USH2A: variants seen among roughly 807,000 people sequenced by gnomAD.
USH2A encodes the protein Usher syndrome 2A (autosomal recessive, mild).
USH2A carries 443 observed loss-of-function variants against 538.9 expected under a neutral mutation model. The observed-to-expected ratio is 0.82, with a 90% CI of 0.76 to 0.89. USH2A has a LOEUF of 0.89. USH2A is among the 40% of genes least tolerant of loss of function. The pLI, the probability that USH2A is intolerant of heterozygous loss-of-function variation, is 0.00. For missense variants in USH2A, 6,633 were observed against 6,324.8 expected (o/e 1.05, Z -1.65); for synonymous variants, 2,413 against 2,273.5 (o/e 1.06, Z -1.75).
chr1:216,365,083 C>T lies in USH2A; in HGVS notation c.654G>A (p.Val218=), dbSNP rs370983859. Residue 218 remains valine (V), a splice_region_variant and synonymous_variant, in exon 4 of 72, where the codon GTG becomes GTA. Coordinates refer to ENST00000307340, the MANE Select transcript of USH2A (RefSeq NM_206933.4). ...TAAAGAAGCTGATTTTTGTCTGATGCACCTGTAAGAAATTACCACCATTAT... is the reference window on the plus strand; with the variant it reads ...TAAAGAAGCTGATTTTTGTCTGATGTACCTGTAAGAAATTACCACCATTAT... The part of the protein sequence containing the change: ...VKKWIHLSVQ[V]HQTKISFFIN... 9.3e-6 allele frequency: 15 copies of T among 1,611,782 alleles called. No homozygotes were observed. The highest frequency in any genetic ancestry group is 1.3e-5 in the African/African-American group (1 of 74,998).
intron 11 of USH2A, among the ~76,000 whole-genome samples, chr1:216,271,955 A>G (rs996545578): frequency 6.6e-6 from 1 of 152,174 alleles, no homozygotes; most frequent in African/African-American, 2.4e-5. Context: ...CATATGGAAT[A>G]TTCTAATGGG....
intron 11 of USH2A, among the ~76,000 whole-genome samples, chr1:216,264,143 A>G (rs1340389793): frequency 6.6e-6 from 1 of 152,178 alleles, no homozygotes; most frequent in African/African-American, 2.4e-5. Context: ...ATGATCATGG[A>G]TTAGAGGAAC....
chr1:216,202,300 T>C (rs1337692841), intron 16 of USH2A, among the ~76,000 whole-genome samples: 2 of 152,210 alleles, frequency 1.3e-5, no homozygotes. Flanking sequence ...ATAATCCTAA[T>C]AGATCAGAAT....
chr1:216,097,256 G>A (rs778647675), intron 21 of USH2A, 43 bp from the exon 22 acceptor site: 1 of 1,613,472 alleles, frequency 6.2e-7, no homozygotes, highest in Non-Finnish European at 8.5e-7. Context: ...CTGGGGTTTT[G>A]TTGATTCTTT....
rs770693665 is a variant in USH2A, at chr1:216,198,599, T to C, written c.3812-15A>G. On this transcript the variant is annotated splice_polypyrimidine_tract_variant and intron_variant, in intron 17 of 71. Transcript: ENST00000307340. Reference sequence around the variant, plus strand: ...TATAATTATTCCTAGAGAAATTAAATAGTGAACCTACGTAACTCATCAGAC... The same window carrying C: ...TATAATTATTCCTAGAGAAATTAAACAGTGAACCTACGTAACTCATCAGAC... 3.7e-6 allele frequency: 6 copies of C among 1,607,986 alleles called. No individual in the cohort carries two copies. Among genetic ancestry groups the C allele is most frequent in the Non-Finnish European group, 5.1e-6 (6 of 1,178,238 alleles).
intron 1 of USH2A, 34 bp from the exon 2 acceptor site, chr1:216,422,574 G>C (rs1026686188): frequency 3.9e-6 from 2 of 517,510 alleles, no homozygotes; most frequent in African/African-American, 3.9e-5. Context: ...TCAAGGGAAA[G>C]CTGCTGCACC....
chr1:215,875,618 G>A (rs1350837833), intron 43 of USH2A, among the ~76,000 whole-genome samples: 1 of 151,734 alleles, frequency 6.6e-6, no homozygotes, highest in Non-Finnish European at 1.5e-5. Flanking sequence ...TATTTAATAA[G>A]TTTTCATTTC....
intron 20 of USH2A, among the ~76,000 whole-genome samples, chr1:216,187,729 A>C (rs2102652596): frequency 6.6e-6 from 1 of 152,078 alleles, no homozygotes. Context: ...TCATGACAAT[A>C]AATTTTTATT....
intron 50 of USH2A, among the ~76,000 whole-genome samples, chr1:215,794,918 T>C (rs1662083837): frequency 6.6e-6 from 1 of 152,202 alleles, no homozygotes; most frequent in African/African-American, 2.4e-5. Flanking sequence ...GGTTTGTAAC[T>C]TCCAAAAGAT....
intron 64 of USH2A, among the ~76,000 whole-genome samples, chr1:215,657,805 G>A (rs1571936041): frequency 6.6e-6 from 1 of 152,102 alleles, no homozygotes; most frequent in South Asian, 2.1e-4. Context: ...GTGTCTTGTC[G>A]CTACTGCTTC....
intron 11 of USH2A, among the ~76,000 whole-genome samples, chr1:216,268,371 TA>T (rs759214797): frequency 6.6e-6 from 1 of 152,128 alleles, no homozygotes; most frequent in Non-Finnish European, 1.5e-5. Context: ...TAATAATATC[TA>T]CCTCATAGGT....
intron 32 of USH2A, among the ~76,000 whole-genome samples, chr1:216,013,297 A>T (rs4585956): frequency 0.59 from 85,427 of 143,754 alleles, 25,957 homozygotes; most frequent in East Asian, 0.74. Flanking sequence ...CTTCAGCTTA[A>T]TCTCTCCCAC....
rs1308488772 is a variant in USH2A, at chr1:215,623,411, A to G, written c.*2370T>C. 2 of 151,940 alleles carry G rather than the reference A, an allele frequency of 1.3e-5. No individual in the cohort carries two copies. Among genetic ancestry groups the G allele is most frequent in the Non-Finnish European group, 2.9e-5 (2 of 67,954 alleles). 9.4% of individuals were successfully genotyped at this position (151,940 alleles called of 1,614,324 possible). On this transcript the variant is annotated 3_prime_UTR_variant, in exon 72 of 72. Transcript: ENST00000307340. ...AACATCAGTGGGTCTCAACATTAGA[A>G]CACCTGGAAGCTTTAAAAAGTACTG...
At chr1:215,780,072 T>C (rs754501983) in intron 54 of USH2A, 31 bp from the exon 55 acceptor site, 1 of 1,610,312 alleles carries the variant, frequency 6.2e-7, no homozygotes, top group South Asian at 1.1e-5. Flanking sequence ...CAGCAATTTA[T>C]TGTAATAGTG....
chr1:216,134,241 T>C (rs2033435378), intron 21 of USH2A, among the ~76,000 whole-genome samples: 1 of 152,138 alleles, frequency 6.6e-6, no homozygotes, highest in African/African-American at 2.4e-5. Flanking sequence ...ATTCTTCTCA[T>C]ATTTCTTATT....
At position 215,900,814 on chromosome 1, in the gene USH2A, A is replaced by C. The variant is rs984249592; in HGVS notation, c.7392T>G (p.Pro2464=). 1.9e-6 allele frequency: 3 copies of C among 1,613,842 alleles called. No homozygotes were observed. The highest frequency in any genetic ancestry group is 3.3e-4 in the Middle Eastern group (2 of 6,048). The change falls in exon 39 of 72, where the codon CCT becomes CCG. Residue 2464 remains proline (P), a synonymous_variant. Transcript: ENST00000307340. ...TCTGGAGTTGGTATCTGGGAGAGCC[A>C]GGAGCGTTATTACGAGCTGGTGTAG... ...VWSTPARNNA[P]GSPRYQLQMR...
chr1:215,844,303 A>G lies in USH2A; in HGVS notation c.9249T>C (p.Tyr3083=). 1 of 1,613,622 alleles carries G rather than the reference A, an allele frequency of 6.2e-7. No individual in the cohort carries two copies. The highest frequency in any genetic ancestry group is 1.3e-5 in the African/African-American group (1 of 75,052). The change falls in exon 46 of 72, where the codon TAT becomes TAC. Residue 3083 remains tyrosine, a synonymous_variant. Transcript: ENST00000307340. ...ILRDLSPFTI[Y]DIQVEVCTIY... Reference sequence around the variant, plus strand: ...AAAACAATGTTCTAACCTGAATGTCATAGATAGTGAAGGGAGACAGGTCTC... The same window carrying G: ...AAAACAATGTTCTAACCTGAATGTCGTAGATAGTGAAGGGAGACAGGTCTC...
At chr1:216,174,691 A>T in intron 21 of USH2A, 1 of 986,716 alleles carries the variant, frequency 1.0e-6, no homozygotes, top group Non-Finnish European at 1.2e-6. Flanking sequence ...TTTCCCTGGG[A>T]TTAGTTTTCC....
At chr1:216,170,250 G>C (rs1326265572) in intron 21 of USH2A, among the ~76,000 whole-genome samples, 6 of 152,004 alleles carry the variant, frequency 3.9e-5, no homozygotes, top group African/African-American at 1.2e-4. Flanking sequence ...TTTGGTGGTT[G>C]CATTTCTTTT....
Sources: gnomAD v4.1 joint callset for allele counts (sites outside exome capture counted in the v4.1 genomes callset) on GRCh38, gnomAD v4.1.1 for gene constraint, MANE v1.5 for transcripts, NCBI Gene and HGNC (gene_info 2026-07-23, HGNC 2026-07-21) for gene names.